Variants in TANK observed in about 807,000 individuals in gnomAD.
TANK encodes TRAF family member-associated NF-kappa-B activator.
TANK carries 15 observed loss-of-function variants against 43.6 expected under a neutral mutation model. The observed-to-expected ratio is 0.34, with a 90% CI of 0.23 to 0.53. The LOEUF (loss-of-function observed/expected upper bound fraction) is 0.53. Among genes scored for constraint, TANK ranks in the 20% least tolerant of loss-of-function variants. The pLI is 0.94. For synonymous variants in TANK, 162 were observed against 178.2 expected (o/e 0.91, Z 0.73); for missense variants, 417 against 498.6 (o/e 0.84, Z 1.56).
At position 161,219,896 on chromosome 2, in the gene TANK, T is replaced by C. The variant is rs1189698530; in HGVS notation, c.328-4019T>C. On this transcript the variant is annotated intron_variant, in intron 4 of 7. Coordinates refer to ENST00000392749, the MANE Select transcript of TANK (RefSeq NM_001199135.3). ...TTTTCCTACTACTTACTTTTCCTTT[T>C]TCTGTAGTGAATTTTATCAAGCTAA... 1.5e-4 allele frequency: 52 copies of C among 345,004 alleles called. No homozygotes were observed. The Admixed American group carries it at 2.4e-3, about 16-fold the overall frequency. The allele number at this position is 345,004 out of a possible 1,614,324, so 21.4% of individuals were successfully genotyped here. A position where few individuals can be genotyped will look rare whatever the true frequency, so the allele number is the denominator to read the frequency against.
chr2:161,161,560 A>G (rs2105249553), intron 1 of TANK: 2 of 1,355,974 alleles, frequency 1.5e-6, no homozygotes, highest in Middle Eastern at 2.0e-4. Context: ...AGCCTTCCAC[A>G]TCTTTCCTGT....
Position 161,231,186 on chromosome 2 carries a change from T to C in TANK, c.736T>C (p.Leu246=). 6.2e-7 allele frequency: 1 copy of C among 1,614,024 alleles called. No homozygotes were observed. Among genetic ancestry groups the C allele is most frequent in the Non-Finnish European group, 8.5e-7 (1 of 1,180,036 alleles). The change falls in exon 7 of 8, where the codon TTA becomes CTA. Residue 246 remains leucine, a synonymous_variant. Coordinates refer to ENST00000392749, the MANE Select transcript of TANK (RefSeq NM_001199135.3). The part of the protein sequence containing the change: ...FPPMDNDSTF[L]HSTPERPGIL... ...ACCTATGGACAATGACTCAACTTTC[T>C]TACATAGCACTCCAGAGAGACCCGG...
chr2:161,211,733 A>G, intron 4 of TANK: 1 of 984,666 alleles, frequency 1.0e-6, no homozygotes. Flanking sequence ...CTTTTATCAT[A>G]CAGAAATGGT....
At chr2:161,216,326 T>A in intron 4 of TANK, 1 of 455,668 alleles carries the variant, frequency 2.2e-6, no homozygotes, top group Non-Finnish European at 4.5e-6. Context: ...TCTCCTTGCT[T>A]TCCTTCTTGC....
At chr2:161,143,480 A>T (rs1442318242) in intron 1 of TANK, among the ~76,000 whole-genome samples, 1 of 152,154 alleles carries the variant, frequency 6.6e-6, no homozygotes, top group African/African-American at 2.4e-5. Context: ...TTATTTTGAG[A>T]TATGTTCCAT....
intron 1 of TANK, among the ~76,000 whole-genome samples, chr2:161,179,317 A>G (rs1460013355): frequency 1.3e-5 from 2 of 152,148 alleles, no homozygotes; most frequent in African/African-American, 4.8e-5. Flanking sequence ...AGAATTTAAA[A>G]TGGCCTTTTA....
intron 1 of TANK, among the ~76,000 whole-genome samples, chr2:161,174,162 A>G (rs1685077772): frequency 6.6e-6 from 1 of 152,170 alleles, no homozygotes; most frequent in Non-Finnish European, 1.5e-5. Context: ...CCCTACAACT[A>G]TGTATGATGT....
At chr2:161,206,900 T>C (rs889496643) in intron 4 of TANK, among the ~76,000 whole-genome samples, 1 of 152,138 alleles carries the variant, frequency 6.6e-6, no homozygotes, top group African/African-American at 2.4e-5. Flanking sequence ...ATTTATAGCA[T>C]TCCTTTGAAA....
intron 2 of TANK, chr2:161,200,421 A>G: frequency 2.0e-6 from 2 of 977,724 alleles, no homozygotes; most frequent in Non-Finnish European, 2.4e-6. Context: ...ATGAAAAAAA[A>G]AAGACTAGTT....
intron 1 of TANK, among the ~76,000 whole-genome samples, chr2:161,146,955 G>A (rs767311805): frequency 1.2e-4 from 19 of 152,136 alleles, no homozygotes; most frequent in Admixed American, 3.3e-4. Context: ...CATGGAGACC[G>A]CAGCACCCCT....
intron 1 of TANK, chr2:161,161,217 TG>T: frequency 6.5e-7 from 1 of 1,530,028 alleles, no homozygotes; most frequent in Non-Finnish European, 8.8e-7. Context: ...GTGCCTTTAT[TG>T]TTATGCTATA....
chr2:161,223,077 C>T (rs1687430774), intron 4 of TANK: 1 of 151,960 alleles, frequency 6.6e-6, no homozygotes, highest in African/African-American at 2.4e-5. Flanking sequence ...ATCTAAATGT[C>T]ACTAAAGACA....
At chr2:161,166,286 A>T (rs1407476538) in intron 1 of TANK, among the ~76,000 whole-genome samples, 1 of 152,246 alleles carries the variant, frequency 6.6e-6, no homozygotes, top group African/African-American at 2.4e-5. Flanking sequence ...AGCGTAGTAC[A>T]ATATGCTATG....
chr2:161,158,163 A>G (rs1290455480), upstream of TANK, among the ~76,000 whole-genome samples: 3 of 152,204 alleles, frequency 2.0e-5, no homozygotes, highest in Admixed American at 6.5e-5. Context: ...TATATGTGTG[A>G]GCACCACACC....
chr2:161,156,584 G>A (rs898035082), upstream of TANK, among the ~76,000 whole-genome samples: 8 of 152,156 alleles, frequency 5.3e-5, no homozygotes, highest in African/African-American at 1.9e-4. Flanking sequence ...TGAATTACTC[G>A]TTCCAAGCCT....
At chr2:161,206,739 A>G (rs907948839) in intron 4 of TANK, among the ~76,000 whole-genome samples, 2 of 152,232 alleles carry the variant, frequency 1.3e-5, no homozygotes, top group South Asian at 2.1e-4. Flanking sequence ...ACTTTTTGGA[A>G]TGCAATTTTT....
At chr2:161,189,380 A>G (rs1685811330) in intron 2 of TANK, among the ~76,000 whole-genome samples, 1 of 152,204 alleles carries the variant, frequency 6.6e-6, no homozygotes, top group South Asian at 2.1e-4. Flanking sequence ...CAAACTAAGA[A>G]TAGAAGGAAA....
chr2:161,230,363 G>T (rs1016279053), intron 6 of TANK, among the ~76,000 whole-genome samples: 1 of 152,096 alleles, frequency 6.6e-6, no homozygotes, highest in Non-Finnish European at 1.5e-5. Flanking sequence ...TTTAAAAAAA[G>T]ATATAAGATG....
intron 4 of TANK, among the ~76,000 whole-genome samples, chr2:161,209,276 A>C (rs1378997660): frequency 6.6e-6 from 1 of 152,220 alleles, no homozygotes; most frequent in Non-Finnish European, 1.5e-5. Context: ...GAAAATGCAG[A>C]TAGGAAATCA....
Sources: gnomAD v4.1 joint callset for allele counts (sites outside exome capture counted in the v4.1 genomes callset) on GRCh38, gnomAD v4.1.1 for gene constraint, MANE v1.5 for transcripts, NCBI Gene and HGNC (gene_info 2026-07-23, HGNC 2026-07-21) for gene names.